NRXN2: variants seen among roughly 807,000 people sequenced by gnomAD.
NRXN2 encodes the protein neurexin 2.
Under a neutral mutation model 128.8 loss-of-function variants are expected in NRXN2, and 29 were observed. That is an observed-to-expected ratio of 0.23 (90% CI 0.17 to 0.31). The LOEUF is 0.31. Among genes scored for constraint, NRXN2 ranks in the 10% least tolerant of loss-of-function variants. NRXN2 has a pLI of 1.00. For missense variants in NRXN2, 1,881 were observed against 2,452.6 expected (o/e 0.77, Z 4.92); for synonymous variants, 1,098 against 1,075.2 (o/e 1.02, Z -0.41).
At chr11:64,653,750 G>A (rs2047837271) in intron 11 of NRXN2, 28 bp from the exon 12 acceptor site, 3 of 1,542,786 alleles carry the variant, frequency 1.9e-6, no homozygotes, top group Non-Finnish European at 2.6e-6. Flanking sequence ...CGGGCAGAGG[G>A]GAAGGGGAGA....
intron 19 of NRXN2, among the ~76,000 whole-genome samples, chr11:64,628,799 G>A (rs1464635169): frequency 6.6e-6 from 1 of 152,192 alleles, no homozygotes; most frequent in Non-Finnish European, 1.5e-5. Flanking sequence ...TGGGGGGCGT[G>A]GGGGATAGGT....
chr11:64,707,259 C>T (rs994975367), intron 2 of NRXN2, among the ~76,000 whole-genome samples: 6 of 151,716 alleles, frequency 4.0e-5, no homozygotes, highest in East Asian at 1.9e-4. Context: ...TGGTGGCGGG[C>T]GCCTGTAGTC....
Position 64,630,665 on chromosome 11 carries a change from C to T in NRXN2, c.3586-92G>A, listed in dbSNP as rs2043769156. ...CCTGTGACCACCACTAGCCCAGCTC[C>T]GCAGCACTTAAGGCACCTTTCCCAG... On this transcript the variant is annotated intron_variant, in intron 18 of 22. Coordinates refer to ENST00000265459, the MANE Select transcript of NRXN2 (RefSeq NM_015080.4). The surrounding 1 kb of genome is among the most constrained non-coding windows in gnomAD (Gnocchi z 4.6). 2.1e-6 allele frequency: 3 copies of T among 1,452,792 alleles called. No individual in the cohort carries two copies. The highest frequency in any genetic ancestry group is 2.8e-5 in the African/African-American group (2 of 71,646). 90.0% of individuals were successfully genotyped at this position (1,452,792 alleles called of 1,614,324 possible).
intron 1 of NRXN2, among the ~76,000 whole-genome samples, chr11:64,720,565 G>A (rs903372782): frequency 6.6e-6 from 1 of 152,202 alleles, no homozygotes; most frequent in Non-Finnish European, 1.5e-5. Flanking sequence ...GTGGCCAGGA[G>A]GGGTAGGAGG....
chr11:64,688,270 C>G, intron 5 of NRXN2: 1 of 984,948 alleles, frequency 1.0e-6, no homozygotes, highest in African/African-American at 1.7e-5. Context: ...GCCTGCGCCT[C>G]CACGGGCTCC....
chr11:64,709,000 T>A (rs962191248), intron 2 of NRXN2, among the ~76,000 whole-genome samples: 2 of 152,106 alleles, frequency 1.3e-5, no homozygotes, highest in Admixed American at 1.3e-4. Flanking sequence ...GAGACCAGCC[T>A]GACCAACATG....
intron 9 of NRXN2, 171 bp from the exon 10 acceptor site, chr11:64,661,310 A>G (rs2048998505): frequency 6.7e-7 from 1 of 1,489,574 alleles, no homozygotes; most frequent in South Asian, 1.3e-5. Context: ...CACTCACTGC[A>G]AAAACTGCTT....
chr11:64,647,029 C>T (rs2046782831), intron 17 of NRXN2, among the ~76,000 whole-genome samples: 1 of 152,062 alleles, frequency 6.6e-6, no homozygotes, highest in African/African-American at 2.4e-5. Flanking sequence ...CTCCTGGACC[C>T]AGTAGGTTTC....
At chr11:64,683,422 C>T (rs574759480) in intron 6 of NRXN2, among the ~76,000 whole-genome samples, 1 of 152,062 alleles carries the variant, frequency 6.6e-6, no homozygotes, top group Non-Finnish European at 1.5e-5. Context: ...GAGTTCAAGA[C>T]CAGCCTGGCC....
intron 2 of NRXN2, among the ~76,000 whole-genome samples, chr11:64,702,984 AAAAAAAAAAAGAAAGAAAGAATT>A (rs1321304675): frequency 4.0e-5 from 6 of 150,120 alleles, no homozygotes; most frequent in African/African-American, 1.5e-4. Flanking sequence ...AAAAAAAAAA[AAAAAAAAAAAGAAAGAAAGAATT>A]AAAAAAAAAA....
At chr11:64,718,835 A>G (rs541027487) in intron 1 of NRXN2, among the ~76,000 whole-genome samples, 1 of 152,250 alleles carries the variant, frequency 6.6e-6, no homozygotes, top group East Asian at 1.9e-4. Flanking sequence ...ATCTGGCAGA[A>G]AAAAGGGAAG....
chr11:64,693,199 C>T (rs2054066247), intron 3 of NRXN2, among the ~76,000 whole-genome samples: 1 of 108,054 alleles, frequency 9.3e-6, no homozygotes, highest in Admixed American at 1.1e-4. Flanking sequence ...GGGCGGGGGG[C>T]ACTGCAGCGG....
At chr11:64,685,474 C>T (rs1476276721) in intron 6 of NRXN2, among the ~76,000 whole-genome samples, 172 bp downstream of exon 6, 1 of 152,144 alleles carries the variant, frequency 6.6e-6, no homozygotes, top group African/African-American at 2.4e-5. Context: ...GCCTGCCAGC[C>T]ACTGCAGCCT....
At position 64,668,498 on chromosome 11, in the gene NRXN2, G is replaced by A; in HGVS notation, c.1304C>T (p.Thr435Ile). The change falls in exon 8 of 23, where the codon ACA becomes ATA. Residue 435 changes from threonine to isoleucine, a missense_variant. Physicochemically the swap from Thr to Ile is moderately conservative, Grantham distance 89 (BLOSUM62 -1). Transcript: ENST00000265459. ...GACGGGCGAGCCCGGCAGGTCAGCT[G>A]TGTTGGGGCTGCCCCCAATGTAGAA... ...DFFYIGGSPNTADLPGSPVSN... is the reference protein window; with the variant it reads ...DFFYIGGSPNIADLPGSPVSN... 1 of 1,614,132 alleles carries A rather than the reference G, an allele frequency of 6.2e-7. No homozygotes were observed. The highest frequency in any genetic ancestry group is 1.1e-5 in the South Asian group (1 of 91,090).
At position 64,622,456 on chromosome 11, in the gene NRXN2, T is replaced by C. The variant is rs1591550054; in HGVS notation, c.4173+297A>G. 6.6e-6 allele frequency among the ~76,000 whole-genome samples: 1 copy of C among 152,182 alleles called. No individual in the cohort carries two copies. Among genetic ancestry groups the C allele is most frequent in the African/African-American group, 2.4e-5 (1 of 41,448 alleles). On this transcript the variant is annotated intron_variant, in intron 21 of 22. Coordinates refer to ENST00000265459, the MANE Select transcript of NRXN2 (RefSeq NM_015080.4). The surrounding 1 kb of genome is among the most constrained non-coding windows in gnomAD (Gnocchi z 4.3). ...AAGTCCAGACTTCATCTCTCTTAGGTAGGGTGGTCTTCTCTCATATAACTG... is the reference window on the plus strand; with the variant it reads ...AAGTCCAGACTTCATCTCTCTTAGGCAGGGTGGTCTTCTCTCATATAACTG...
intron 22 of NRXN2, among the ~76,000 whole-genome samples, chr11:64,611,078 C>T (rs546224416): frequency 2.0e-5 from 3 of 152,330 alleles, no homozygotes; most frequent in Non-Finnish European, 2.9e-5. Context: ...GCCAACGGCC[C>T]GGGTCCTATC....
At chr11:64,689,227 CCT>C (rs1170413081) in intron 5 of NRXN2, among the ~76,000 whole-genome samples, 2 of 151,348 alleles carry the variant, frequency 1.3e-5, no homozygotes, top group Admixed American at 1.3e-4. Flanking sequence ...TCTGTGTCTC[CCT>C]CTCTTTCTCA....
chr11:64,667,136 GGAA>G lies in NRXN2; in HGVS notation c.1798+111_1798+113del. 9.3e-7 allele frequency: 1 copy of G among 1,073,744 alleles called. No homozygotes were observed. The allele number at this position is 1,073,744 out of a possible 1,614,324, so 66.5% of individuals were successfully genotyped here. ...GAGGGGGGTGGAGGAGAAGCGGCAG[GGAA>G]GAATATAGGAAATGGTGTAGAAGAG... On this transcript the variant is annotated intron_variant, in intron 9 of 22. Coordinates refer to ENST00000265459, the MANE Select transcript of NRXN2 (RefSeq NM_015080.4). The surrounding 1 kb of genome is among the most constrained non-coding windows in gnomAD (Gnocchi z 5.6).
rs2044649938 is a variant in NRXN2 at position 64,635,974 on chromosome 11, A to G, written c.3404-522T>C. ...ACGGCCAGAGCTGGCGCCCTCCAAC[A>G]TCTCCCATCCCAACCCCTCTCCTGG... On this transcript the variant is annotated intron_variant, in intron 17 of 22. Coordinates refer to ENST00000265459, the MANE Select transcript of NRXN2 (RefSeq NM_015080.4). This position sits in a 1 kb window ranked among gnomAD's most constrained non-coding sequence, Gnocchi z 4.8. Among the ~76,000 whole-genome samples, 1 of 151,524 alleles carries G rather than the reference A, an allele frequency of 6.6e-6. No homozygotes were observed. The highest frequency in any genetic ancestry group is 1.5e-5 in the Non-Finnish European group (1 of 67,854).
Sources: allele counts gnomAD v4.1 joint callset (sites outside exome capture counted in the v4.1 genomes callset), GRCh38; gene constraint gnomAD v4.1.1; non-coding constraint Gnocchi (gnomAD v3.1); transcripts MANE v1.5; gene names NCBI Gene and HGNC (gene_info 2026-07-23, HGNC 2026-07-21).